FRAS1: variants seen among roughly 807,000 people sequenced by gnomAD.
FRAS1 encodes extracellular matrix organizing protein FRAS1.
In FRAS1, 290 loss-of-function variants were observed where a neutral mutation model predicts 435.2. The observed-to-expected ratio is 0.67, with a 90% CI of 0.61 to 0.73. FRAS1 has a LOEUF of 0.73. Ranked by LOEUF, FRAS1 falls within the 30% of genes least tolerant of loss-of-function variation. The probability of loss-of-function intolerance (pLI) is 0.00; values close to 1 mark genes in which losing one functional copy is unlikely to be tolerated. For missense variants in FRAS1, 4,860 were observed against 5,001.5 expected, an observed-to-expected ratio of 0.97 and a Z score of 0.85; for synonymous variants, 1,800 against 1,851.0, an observed-to-expected ratio of 0.97 and a Z score of 0.71.
chr4:78,196,650 G>T (rs1260864230), intron 2 of FRAS1, among the ~76,000 whole-genome samples: 1 of 151,366 alleles, frequency 6.6e-6, no homozygotes, highest in African/African-American at 2.4e-5. Flanking sequence ...TTGTAATGGT[G>T]TCTGTGGGCA....
chr4:78,083,289 A>G (rs1740979822), intron 2 of FRAS1, among the ~76,000 whole-genome samples: 1 of 152,100 alleles, frequency 6.6e-6, no homozygotes, highest in Admixed American at 6.6e-5. Context: ...GGATAATGAA[A>G]GGTGAAAGGA....
intron 9 of FRAS1, among the ~76,000 whole-genome samples, chr4:78,268,541 G>GTA (rs1726490409): frequency 6.6e-6 from 1 of 152,172 alleles, no homozygotes; most frequent in Non-Finnish European, 1.5e-5. Context: ...GGGCTTCCCT[G>GTA]CCTCGGCAGT....
intron 2 of FRAS1, among the ~76,000 whole-genome samples, chr4:78,082,877 T>C (rs1321896255): frequency 6.6e-6 from 1 of 152,144 alleles, no homozygotes. Flanking sequence ...TTGTGAGTTA[T>C]TATAGTAATT....
chr4:78,355,297 T>G (rs938490047), intron 20 of FRAS1, among the ~76,000 whole-genome samples: 13 of 152,104 alleles, frequency 8.5e-5, no homozygotes, highest in African/African-American at 3.1e-4. Context: ...ATTCCATCTG[T>G]GCTCCCCCCA....
chr4:78,311,974 A>G (rs2110226457), intron 15 of FRAS1, among the ~76,000 whole-genome samples: 1 of 152,020 alleles, frequency 6.6e-6, no homozygotes, highest in East Asian at 1.9e-4. Flanking sequence ...TCAGTTTTAA[A>G]TATGCAAATT....
Position 78,260,545 on chromosome 4 carries a change from A to G in FRAS1, c.604-4480A>G, listed in dbSNP as rs1000813651. On this transcript the variant is annotated intron_variant, in intron 6 of 73. Transcript: ENST00000512123. ...ATAAGAATGCTTGTGATTTTTGTAC[A>G]TTGATTTTGTATCCTGAGACTTTGC... 5.3e-5 allele frequency among the ~76,000 whole-genome samples: 8 copies of G among 151,644 alleles called. 2 individuals are homozygous for G. The highest frequency in any genetic ancestry group is 1.7e-4 in the African/African-American group (7 of 41,396).
intron 30 of FRAS1, among the ~76,000 whole-genome samples, chr4:78,403,368 C>A (rs751099671): frequency 4.6e-5 from 7 of 152,116 alleles, no homozygotes; most frequent in Non-Finnish European, 8.8e-5. Context: ...TTTTAATTAA[C>A]TTCTTCCTAT....
chr4:78,374,152 T>A lies in FRAS1; in HGVS notation c.3052T>A (p.Cys1018Ser). Residue 1018 changes from cysteine (C) to serine (S), a missense_variant, in exon 25 of 74, where the codon TGT becomes AGT. Cys to Ser is a moderately radical substitution (Grantham distance 112). Transcript: ENST00000512123. ...TCTCCAGTGCCAAGGTCCCCATGAG[T>A]GTACCCGCTGCAAAGGGCCATTTCT... ...YCLQCQGPHE[C>S]TRCKGPFLLL... is the part of the protein sequence containing the mutation. The A allele has an allele frequency of 1.2e-6, 2 of 1,606,022 alleles. No individual in the cohort carries two copies. Among genetic ancestry groups the A allele is most frequent in the Non-Finnish European group, 1.7e-6 (2 of 1,174,194 alleles).
At chr4:78,312,678 A>C (rs540451916) in intron 15 of FRAS1, among the ~76,000 whole-genome samples, 1 of 152,110 alleles carries the variant, frequency 6.6e-6, no homozygotes, top group African/African-American at 2.4e-5. Context: ...AATAAAAAAA[A>C]AAAATTAGCC....
chr4:78,203,769 T>C (rs1723142654), intron 2 of FRAS1, among the ~76,000 whole-genome samples: 1 of 152,172 alleles, frequency 6.6e-6, no homozygotes. Flanking sequence ...GGTTTCACAA[T>C]GTTAGCCAGG....
In FRAS1 at chr4:78,435,505, G is replaced by A. The variant is rs192627548; in HGVS notation, c.5217+2901G>A. Among the ~76,000 whole-genome samples, 7 of 152,178 alleles carry A rather than the reference G, an allele frequency of 4.6e-5. No homozygotes were observed. The South Asian group carries it at 8.3e-4, about 18-fold the overall frequency. On this transcript the variant is annotated intron_variant, in intron 38 of 73. Coordinates refer to ENST00000512123, the MANE Select transcript of FRAS1 (RefSeq NM_025074.7). ...TGTAATCCCAGCACTTTGGGAGGAC[G>A]AGGCATGTAGATCATTTGAGGTCAG... is the stretch of plus-strand genomic sequence containing the variant.
rs1006859306 is a variant in FRAS1, at chr4:78,077,648, G to A, written c.108+11632G>A. Among the ~76,000 whole-genome samples the A allele has an allele frequency of 7.2e-5, 11 of 151,974 alleles. No homozygotes were observed. The East Asian group carries it at 2.1e-3, about 29-fold the overall frequency. ...CTATCATCCTACACTCTACATCCAT[G>A]TGTACACATTATTTAGCTCCCACTT... On this transcript the variant is annotated intron_variant, in intron 2 of 73. Coordinates refer to ENST00000512123, the MANE Select transcript of FRAS1 (RefSeq NM_025074.7).
At chr4:78,387,329 C>T (rs1456819346) in intron 28 of FRAS1, 46 bp from the exon 29 acceptor site, 1 of 1,415,240 alleles carries the variant, frequency 7.1e-7, no homozygotes, top group Non-Finnish European at 9.7e-7. Context: ...ACTGGATTGT[C>T]CTTTCTTTCC....
intron 2 of FRAS1, among the ~76,000 whole-genome samples, chr4:78,084,123 T>C (rs914078088): frequency 6.6e-6 from 1 of 152,134 alleles, no homozygotes; most frequent in African/African-American, 2.4e-5. Flanking sequence ...AGTTCCTCCT[T>C]ATTCACAATT....
chr4:78,522,101 T>G (rs1721403170), intron 68 of FRAS1, among the ~76,000 whole-genome samples: 1 of 152,232 alleles, frequency 6.6e-6, no homozygotes, highest in African/African-American at 2.4e-5. Context: ...ATCTAAAATA[T>G]TCCCCCTACT....
At chr4:78,292,343 A>ATGAT (rs1175064893) in intron 14 of FRAS1, among the ~76,000 whole-genome samples, 1 of 152,206 alleles carries the variant, frequency 6.6e-6, no homozygotes, top group Non-Finnish European at 1.5e-5. Flanking sequence ...ATGAGAATCT[A>ATGAT]TGATTATTTG....
intron 64 of FRAS1, 106 bp downstream of exon 64, chr4:78,511,612 A>G: frequency 1.1e-6 from 1 of 905,430 alleles, no homozygotes; most frequent in Non-Finnish European, 1.8e-6. Context: ...CATGATAAAA[A>G]TGTGATGATG....
At chr4:78,420,754 T>C (rs1445697253) in intron 33 of FRAS1, among the ~76,000 whole-genome samples, 1 of 151,776 alleles carries the variant, frequency 6.6e-6, no homozygotes, top group Non-Finnish European at 1.5e-5. Flanking sequence ...GAGAATCTCA[T>C]AATTACATTA....
chr4:78,318,174 C>T (rs1729354712), intron 17 of FRAS1, among the ~76,000 whole-genome samples: 1 of 152,206 alleles, frequency 6.6e-6, no homozygotes. Flanking sequence ...ACAACTGTTT[C>T]AGAAGAGAAA....
Sources: allele counts gnomAD v4.1 joint callset (sites outside exome capture counted in the v4.1 genomes callset), GRCh38; gene constraint gnomAD v4.1.1; transcripts MANE v1.5; gene names NCBI Gene and HGNC (gene_info 2026-07-23, HGNC 2026-07-21).